The following RASA3 variants were observed in gnomAD, a reference collection of about 807,000 sequenced individuals.
RASA3 encodes the protein ras GTPase-activating protein 3.
A neutral mutation model predicts 110.0 loss-of-function variants in RASA3; 73 were observed. The ratio of observed to expected loss-of-function variants is 0.66; its 90% confidence interval spans 0.55 to 0.81. The LOEUF (loss-of-function observed/expected upper bound fraction) is 0.81. RASA3 is among the 30% of genes least tolerant of loss of function. The probability of loss-of-function intolerance (pLI) is 0.00; values close to 1 mark genes in which losing one functional copy is unlikely to be tolerated. For missense variants in RASA3, 976 were observed against 1,113.2 expected (o/e 0.88, Z 1.75); for synonymous variants, 500 against 451.4 (o/e 1.11, Z -1.37).
intron 8 of RASA3, among the ~76,000 whole-genome samples, chr13:114,022,625 T>C (rs1353306959): frequency 6.6e-6 from 1 of 152,290 alleles, no homozygotes; most frequent in Admixed American, 6.5e-5. Context: ...GCTGACAGGC[T>C]GCACAGGAAC....
intron 4 of RASA3, among the ~76,000 whole-genome samples, chr13:114,038,453 T>A (rs2054323721): frequency 6.6e-6 from 1 of 152,228 alleles, no homozygotes; most frequent in African/African-American, 2.4e-5. Context: ...AGCCAGTGCT[T>A]TCCCAGGAAG....
intron 1 of RASA3, among the ~76,000 whole-genome samples, chr13:114,083,536 CGTCCTCGCGGGG>C (rs1487517237): frequency 3.6e-3 from 507 of 141,170 alleles, no homozygotes; most frequent in African/African-American, 9.8e-3. Context: ...CGACTCCCTT[CGTCCTCGCGGGG>C]AAATCACGGG....
intron 2 of RASA3, among the ~76,000 whole-genome samples, chr13:114,060,171 C>G (rs1470006960): frequency 6.6e-6 from 1 of 152,192 alleles, no homozygotes; most frequent in African/African-American, 2.4e-5. Context: ...GACGTAGGAG[C>G]AAGGAGAAGG....
At chr13:114,038,641 A>C (rs774648586) in intron 4 of RASA3, among the ~76,000 whole-genome samples, 1 of 152,234 alleles carries the variant, frequency 6.6e-6, no homozygotes, top group African/African-American at 2.4e-5. Context: ...TGCACAGCTC[A>C]TGACCTTGGC....
intron 1 of RASA3, among the ~76,000 whole-genome samples, chr13:114,079,945 C>T (rs915760936): frequency 6.6e-6 from 1 of 152,194 alleles, no homozygotes; most frequent in Non-Finnish European, 1.5e-5. Context: ...GGGGACACAG[C>T]GTCTTGAGGA....
intron 1 of RASA3, among the ~76,000 whole-genome samples, chr13:114,116,143 G>A (rs2080272736): frequency 6.6e-6 from 1 of 152,190 alleles, no homozygotes; most frequent in South Asian, 2.1e-4. Context: ...CGCAGCTAAC[G>A]CTCTTCAAGA....
intron 1 of RASA3, among the ~76,000 whole-genome samples, chr13:114,122,560 C>T (rs1018005277): frequency 3.3e-5 from 5 of 152,244 alleles, no homozygotes; most frequent in Admixed American, 2.0e-4. Context: ...GCCCCCGAGC[C>T]GTGCCTTCCC....
At chr13:114,081,385 G>A (rs1406907981) in intron 1 of RASA3, among the ~76,000 whole-genome samples, 1 of 152,222 alleles carries the variant, frequency 6.6e-6, no homozygotes, top group Non-Finnish European at 1.5e-5. Flanking sequence ...CTCAAGGCGC[G>A]GGGGCCGCAT....
intron 7 of RASA3, among the ~76,000 whole-genome samples, chr13:114,027,180 T>C (rs888787616): frequency 6.6e-6 from 1 of 151,724 alleles, no homozygotes. Context: ...GCTGGCTGGC[T>C]GGGCTCGCTC....
At chr13:114,119,544 C>T (rs1263078024) in intron 1 of RASA3, among the ~76,000 whole-genome samples, 1 of 120,016 alleles carries the variant, frequency 8.3e-6, no homozygotes, top group African/African-American at 3.1e-5. Context: ...AGCCAGGCGT[C>T]GATCAGGGCC....
rs1320489606 is a variant in RASA3 at position 114,008,974 on chromosome 13, C to CACTGAG, written c.1668+412_1668+413insCTCAGT. Reference sequence around the variant, plus strand: ...TGTTCCCCACGCACCGCGTTCCTAACTGTGGGGAGGAGCAGAGCCCTGCGG... The same window carrying CACTGAG: ...TGTTCCCCACGCACCGCGTTCCTAACACTGAGTGTGGGGAGGAGCAGAGCCCTGCGG... On this transcript the variant is annotated intron_variant, in intron 17 of 23. Transcript: ENST00000334062. Among the ~76,000 whole-genome samples the CACTGAG allele has an allele frequency of 1.4e-5, 2 of 146,486 alleles. 1 individual carries two copies.
chr13:114,043,667 G>A (rs1412046202), intron 3 of RASA3, among the ~76,000 whole-genome samples: 1 of 152,094 alleles, frequency 6.6e-6, no homozygotes, highest in Non-Finnish European at 1.5e-5. Flanking sequence ...AACCAAGGGG[G>A]CCGGCACAGG....
At chr13:114,012,600 T>TTCCACGCACACTCCCCAC (rs2053660443) in intron 15 of RASA3, among the ~76,000 whole-genome samples, 2 of 104,510 alleles carry the variant, frequency 1.9e-5, no homozygotes, top group East Asian at 6.6e-4. Flanking sequence ...ACACTCCTCA[T>TTCCACGCACACTCCCCAC]TCCACGCACA....
chr13:114,129,586 C>T (rs557874276), intron 1 of RASA3, among the ~76,000 whole-genome samples: 46 of 152,290 alleles, frequency 3.0e-4, no homozygotes, highest in Admixed American at 5.2e-4. Context: ...AGCTCCCAAT[C>T]CCCCCAGAAA....
At chr13:114,046,564 G>A (rs1381880722) in intron 3 of RASA3, among the ~76,000 whole-genome samples, 1 of 152,210 alleles carries the variant, frequency 6.6e-6, no homozygotes, top group African/African-American at 2.4e-5. Context: ...CCGAGTCACG[G>A]GGTTGTTCCT....
At position 114,048,314 on chromosome 13, in the gene RASA3, CAAA is replaced by C. The variant is rs566493305; in HGVS notation, c.277+3735_277+3737del. Among the ~76,000 whole-genome samples, 8 of 114,402 alleles carry C rather than the reference CAAA, an allele frequency of 7.0e-5. No individual in the cohort carries two copies. Among genetic ancestry groups the C allele is most frequent in the East Asian group, 2.7e-4 (1 of 3,760 alleles). The allele number at this position is 114,402 out of a possible 152,430, so 75.1% of individuals were successfully genotyped here. Reference sequence around the variant, plus strand: ...TGGGCGACAGAAAGAGACTCCGTCTCAAAAAAAAAAAAAAAGAAGAAGAAAAGA... The same window carrying C: ...TGGGCGACAGAAAGAGACTCCGTCTCAAAAAAAAAAAAGAAGAAGAAAAGA... On this transcript the variant is annotated intron_variant, in intron 3 of 23. Transcript: ENST00000334062. The surrounding 1 kb of genome is among the most constrained non-coding windows in gnomAD (Gnocchi z 4.3).
rs143437952 is a variant in RASA3 at position 113,990,423 on chromosome 13, G to A, written c.2245+2062C>T. Among the ~76,000 whole-genome samples, 3 of 152,348 alleles carry A rather than the reference G, an allele frequency of 2.0e-5. No homozygotes were observed. In the East Asian group the frequency reaches 5.8e-4, roughly 29 times the overall value. On this transcript the variant is annotated intron_variant, in intron 22 of 23. Coordinates refer to ENST00000334062, the MANE Select transcript of RASA3 (RefSeq NM_007368.4). ...GGTTGGACAGTGGTGCAGGGAGCAA[G>A]CTGATCATGGAGGGCCTGGTCAGCA... is the stretch of plus-strand genomic sequence containing the variant.
In RASA3 at chr13:113,979,150, A is replaced by G. The variant is rs902621927; in HGVS notation, c.*197T>C. ...AAATGACGACACGTTCCACAGGGCC[A>G]GGTGGGCTTTCTGCGGAGGGCGTGG... On this transcript the variant is annotated 3_prime_UTR_variant, in exon 24 of 24. Coordinates refer to ENST00000334062, the MANE Select transcript of RASA3 (RefSeq NM_007368.4). 3 of 595,768 alleles carry G rather than the reference A, an allele frequency of 5.0e-6. No homozygotes were observed. In the African/African-American group the frequency reaches 5.6e-5, roughly 11 times the overall value. The allele number at this position is 595,768 out of a possible 1,614,324, so 36.9% of individuals were successfully genotyped here.
chr13:114,016,065 C>A, intron 13 of RASA3, 132 bp downstream of exon 13: 2 of 717,484 alleles, frequency 2.8e-6, no homozygotes, highest in South Asian at 3.1e-5. Flanking sequence ...CCGGGTGAGG[C>A]GGGTATCCCC....
Sources: allele counts gnomAD v4.1 joint callset (sites outside exome capture counted in the v4.1 genomes callset), GRCh38; gene constraint gnomAD v4.1.1; non-coding constraint Gnocchi (gnomAD v3.1); transcripts MANE v1.5; gene names NCBI Gene and HGNC (gene_info 2026-07-23, HGNC 2026-07-21).